The following SLCO3A1 variants were observed in gnomAD, a reference collection of about 807,000 sequenced individuals.
SLCO3A1 encodes the protein PGE1 transporter.
A neutral mutation model predicts 63.1 loss-of-function variants in SLCO3A1; 27 were observed. The ratio of observed to expected loss-of-function variants is 0.43; its 90% CI spans 0.32 to 0.59. The LOEUF is 0.59. SLCO3A1 is among the 20% of genes least tolerant of loss of function. The pLI, the probability that SLCO3A1 is intolerant of heterozygous loss-of-function variation, is 0.09. For synonymous variants in SLCO3A1, 473 were observed against 409.9 expected, an observed-to-expected ratio of 1.15 and a Z score of -1.86; for missense variants, 773 against 945.8, an observed-to-expected ratio of 0.82 and a Z score of 2.40.
intron 3 of SLCO3A1, among the ~76,000 whole-genome samples, chr15:92,104,028 T>C (rs1409834778): frequency 1.3e-5 from 2 of 152,232 alleles, no homozygotes; most frequent in African/African-American, 4.8e-5. Flanking sequence ...TTCTCACTGT[T>C]TTTGTTTAGA....
Position 92,146,173 on chromosome 15 carries a change from C to T in SLCO3A1, c.1513-811C>T, listed in dbSNP as rs78798494. The stretch of plus-strand genomic sequence containing the variant: ...ACTATTATTATGGAACCTTAATTGG[C>T]TTGGCACCGGGCACTGCCTCTCCCA... On this transcript the variant is annotated intron_variant, in intron 7 of 9. Transcript: ENST00000318445. Among the ~76,000 whole-genome samples the T allele has an allele frequency of 1.9e-3, 294 of 152,298 alleles. 2 individuals carry two copies. The East Asian group carries it at 0.042, about 22-fold the overall frequency.
At chr15:91,970,727 C>T (rs1900828435) in intron 2 of SLCO3A1, among the ~76,000 whole-genome samples, 2 of 152,142 alleles carry the variant, frequency 1.3e-5, no homozygotes, top group Admixed American at 1.3e-4. Flanking sequence ...TGTGCAGTGC[C>T]CTGCTTTGGT....
intron 1 of SLCO3A1, among the ~76,000 whole-genome samples, chr15:91,891,013 T>G (rs1324087834): frequency 6.6e-6 from 1 of 152,206 alleles, no homozygotes; most frequent in African/African-American, 2.4e-5. Flanking sequence ...AACTTGGCCC[T>G]TCATGCAATT....
intron 2 of SLCO3A1, among the ~76,000 whole-genome samples, chr15:92,057,786 T>C (rs2047039196): frequency 6.6e-6 from 1 of 152,178 alleles, no homozygotes; most frequent in African/African-American, 2.4e-5. Context: ...AGTGGACAAA[T>C]GAGCACATTT....
At chr15:92,046,611 G>C (rs952864330) in intron 2 of SLCO3A1, among the ~76,000 whole-genome samples, 2 of 152,034 alleles carry the variant, frequency 1.3e-5, no homozygotes, top group African/African-American at 4.8e-5. Flanking sequence ...GTACTGAAGT[G>C]CAGTACAGGC....
chr15:92,155,847 A>G (rs770907833), intron 9 of SLCO3A1, among the ~76,000 whole-genome samples: 1 of 152,166 alleles, frequency 6.6e-6, no homozygotes, highest in Non-Finnish European at 1.5e-5. Flanking sequence ...AGAATAAGAA[A>G]CAATAGATCA....
chr15:91,899,137 T>A (rs73549442), intron 1 of SLCO3A1, among the ~76,000 whole-genome samples: 2,841 of 152,288 alleles, frequency 0.019, 92 homozygotes, highest in African/African-American at 0.065. Flanking sequence ...GTTCTGCAAA[T>A]GTACCCCAGA....
intron 2 of SLCO3A1, among the ~76,000 whole-genome samples, chr15:92,053,497 CT>C (rs1438607076): frequency 6.6e-6 from 1 of 152,106 alleles, no homozygotes. Context: ...CTAATATCAT[CT>C]GTTCTGTCCC....
At chr15:91,905,262 T>A (rs959491907) in intron 1 of SLCO3A1, among the ~76,000 whole-genome samples, 1 of 152,212 alleles carries the variant, frequency 6.6e-6, no homozygotes, top group Non-Finnish European at 1.5e-5. Flanking sequence ...ATATCTCATA[T>A]CTGCCTTAAA....
At chr15:91,930,159 A>G (rs1258510055) in intron 2 of SLCO3A1, among the ~76,000 whole-genome samples, 1 of 152,138 alleles carries the variant, frequency 6.6e-6, no homozygotes, top group Admixed American at 6.5e-5. Context: ...TCCTGCATTT[A>G]AAAGCTCCAG....
chr15:91,915,119 G>T (rs1299258500), intron 1 of SLCO3A1, among the ~76,000 whole-genome samples: 1 of 152,036 alleles, frequency 6.6e-6, no homozygotes, highest in Non-Finnish European at 1.5e-5. Context: ...GGCCCCCTTG[G>T]TGTGAGGTCT....
chr15:92,068,385 T>C (rs1388084157), intron 2 of SLCO3A1, among the ~76,000 whole-genome samples: 1 of 151,316 alleles, frequency 6.6e-6, no homozygotes, highest in Non-Finnish European at 1.5e-5. Flanking sequence ...ACTTTCCTCT[T>C]CAGAAAAGGG....
intron 2 of SLCO3A1, among the ~76,000 whole-genome samples, chr15:92,054,796 G>A (rs112673424): frequency 0.011 from 1,726 of 152,176 alleles, 28 homozygotes; most frequent in African/African-American, 0.04. Flanking sequence ...CCTTTTTATG[G>A]CTGCATAGTA....
chr15:92,130,321 C>G (rs755279644), intron 7 of SLCO3A1, among the ~76,000 whole-genome samples: 1 of 152,254 alleles, frequency 6.6e-6, no homozygotes, highest in Non-Finnish European at 1.5e-5. Flanking sequence ...ACCTCTGGAC[C>G]TACTGTTTGT....
intron 3 of SLCO3A1, among the ~76,000 whole-genome samples, chr15:92,096,068 G>A (rs1207466804): frequency 6.6e-6 from 1 of 152,214 alleles, no homozygotes; most frequent in Non-Finnish European, 1.5e-5. Flanking sequence ...GAATACAGGA[G>A]CAGCTTCACT....
intron 1 of SLCO3A1, among the ~76,000 whole-genome samples, chr15:91,861,191 T>A (rs1467164511): frequency 2.0e-5 from 3 of 152,248 alleles, no homozygotes; most frequent in Non-Finnish European, 4.4e-5. Flanking sequence ...CGGGTCACTC[T>A]GATGACTTTG....
At chr15:91,909,191 C>T (rs958743689) in intron 1 of SLCO3A1, among the ~76,000 whole-genome samples, 1 of 152,194 alleles carries the variant, frequency 6.6e-6, no homozygotes, top group African/African-American at 2.4e-5. Context: ...GTTTGTATTG[C>T]CAGGCACGGG....
rs746792808 is a variant in SLCO3A1 at position 91,853,974 on chromosome 15, G to A, written c.66G>A (p.Glu22=). ...GGAGCGGCGAGCTGCAGGGGGACGA[G>A]GCGCAGAGGAACAAGAAAAAGAAAA... The part of the protein sequence containing the change: ...GGRSGELQGD[E]AQRNKKKKKK... Residue 22 remains glutamate, a synonymous_variant, in exon 1 of 10, where the codon GAG becomes GAA. Transcript: ENST00000318445. 6.6e-7 allele frequency: 1 copy of A among 1,511,478 alleles called. No homozygotes were observed. The highest frequency in any genetic ancestry group is 8.9e-7 in the Non-Finnish European group (1 of 1,127,786). The allele number at this position is 1,511,478 out of a possible 1,614,324, so 93.6% of individuals were successfully genotyped here.
At position 92,014,638 on chromosome 15, in the gene SLCO3A1, C is replaced by T. The variant is rs547727344; in HGVS notation, c.647-80243C>T. ...TTCCTCCTCCACTTGTCCACTAAAA[C>T]ACTTGCCTTTAAAAATCAAATTAAC... On this transcript the variant is annotated intron_variant, in intron 2 of 9. Transcript: ENST00000318445. 2.6e-5 allele frequency among the ~76,000 whole-genome samples: 4 copies of T among 152,314 alleles called. No homozygotes were observed. The East Asian group carries it at 7.7e-4, about 29-fold the overall frequency.
Sources: allele counts gnomAD v4.1 joint callset (sites outside exome capture counted in the v4.1 genomes callset), GRCh38; gene constraint gnomAD v4.1.1; transcripts MANE v1.5; gene names NCBI Gene and HGNC (gene_info 2026-07-23, HGNC 2026-07-21).